SEMA4D: variants seen among roughly 807,000 people sequenced by gnomAD.
The protein encoded by SEMA4D is semaphorin-4D.
In SEMA4D, 22 loss-of-function variants were observed where a neutral mutation model predicts 74.8. The ratio of observed to expected loss-of-function variants is 0.29; its 90% CI spans 0.21 to 0.42. The LOEUF is 0.42. Ranked by LOEUF, SEMA4D falls within the 10% of genes least tolerant of loss-of-function variation. The pLI is 1.00. For synonymous variants in SEMA4D, 445 were observed against 463.7 expected, an observed-to-expected ratio of 0.96 and a Z score of 0.52; for missense variants, 937 against 1,118.4, an observed-to-expected ratio of 0.84 and a Z score of 2.31.
At chr9:89,471,299 C>T (rs1200527168) in intron 1 of SEMA4D, among the ~76,000 whole-genome samples, 2 of 152,068 alleles carry the variant, frequency 1.3e-5, no homozygotes, top group African/African-American at 4.8e-5. Flanking sequence ...GGCTGCCCAA[C>T]AATATGGATG....
chr9:89,420,947 T>C (rs982212634), intron 2 of SEMA4D, among the ~76,000 whole-genome samples: 1 of 152,242 alleles, frequency 6.6e-6, no homozygotes, highest in African/African-American at 2.4e-5. Flanking sequence ...TTAACTATCA[T>C]TCTTACCACT....
chr9:89,456,267 C>G (rs1334856609), intron 1 of SEMA4D, among the ~76,000 whole-genome samples: 2 of 152,236 alleles, frequency 1.3e-5, no homozygotes, highest in Non-Finnish European at 2.9e-5. Context: ...CAGAGAGCCT[C>G]TCCTTGGCTC....
chr9:89,429,304 C>G (rs1848749985), intron 2 of SEMA4D, among the ~76,000 whole-genome samples: 1 of 152,222 alleles, frequency 6.6e-6, no homozygotes, highest in South Asian at 2.1e-4. Context: ...CAGACGACAT[C>G]TAGGAGAGCA....
At chr9:89,435,275 A>C (rs2134832459) in intron 2 of SEMA4D, among the ~76,000 whole-genome samples, 1 of 152,358 alleles carries the variant, frequency 6.6e-6, no homozygotes, top group South Asian at 2.1e-4. Context: ...AAATAACCAG[A>C]AAACCAGTAC....
chr9:89,407,096 G>A (rs745676043), intron 2 of SEMA4D, among the ~76,000 whole-genome samples: 2 of 152,088 alleles, frequency 1.3e-5, no homozygotes, highest in South Asian at 2.1e-4. Flanking sequence ...TGCTTCCATG[G>A]TAGAGATCAC....
intron 1 of SEMA4D, among the ~76,000 whole-genome samples, chr9:89,486,344 G>C (rs536027572): frequency 6.6e-6 from 1 of 152,086 alleles, no homozygotes; most frequent in Non-Finnish European, 1.5e-5. Flanking sequence ...GACTACAAAG[G>C]GGCACAAGAC....
downstream of SEMA4D, among the ~76,000 whole-genome samples, chr9:89,375,875 G>T (rs1221036907): frequency 6.6e-6 from 1 of 152,188 alleles, no homozygotes; most frequent in South Asian, 2.1e-4. Flanking sequence ...TAATGATGAT[G>T]ATTTTTGAGA....
intron 16 of SEMA4D, among the ~76,000 whole-genome samples, chr9:89,366,875 A>G (rs994145894): frequency 6.6e-6 from 1 of 152,174 alleles, no homozygotes; most frequent in Non-Finnish European, 1.5e-5. Flanking sequence ...ACTGAGTCAC[A>G]GGAGCCTCTG....
chr9:89,393,559 C>G lies in SEMA4D; in HGVS notation c.508+3G>C. The G allele has an allele frequency of 1.9e-6, 3 of 1,612,950 alleles. No homozygotes were observed. Among genetic ancestry groups the G allele is most frequent in the Non-Finnish European group, 2.5e-6 (3 of 1,178,882 alleles). On this transcript the variant is annotated splice_donor_region_variant and intron_variant, in intron 7 of 15. Coordinates refer to ENST00000422704, the MANE Select transcript of SEMA4D (RefSeq NM_001371194.2). ...GTGAAGGAACTGGAGGGGCAGGACT[C>G]ACCAACCATGACGGATGTGTAGCTG...
intron 1 of SEMA4D, among the ~76,000 whole-genome samples, chr9:89,463,040 T>C (rs527371674): frequency 7.5e-6 from 1 of 132,462 alleles, no homozygotes; most frequent in Non-Finnish European, 1.6e-5. Flanking sequence ...AAAGGGTCTG[T>C]ACTCTGAACA....
chr9:89,449,928 A>T, intron 2 of SEMA4D: 1 of 1,464,606 alleles, frequency 6.8e-7, no homozygotes, highest in Non-Finnish European at 9.5e-7. Context: ...TGTAGCTCGT[A>T]CTTTTCTGAC....
intron 11 of SEMA4D, 74 bp downstream of exon 11, chr9:89,388,562 C>T: frequency 6.5e-7 from 1 of 1,526,848 alleles, no homozygotes; most frequent in Non-Finnish European, 8.7e-7. Context: ...TGAGCAGGCC[C>T]CAGTGCCTGT....
At chr9:89,467,701 T>A (rs1859120633) in intron 1 of SEMA4D, among the ~76,000 whole-genome samples, 1 of 151,858 alleles carries the variant, frequency 6.6e-6, no homozygotes, top group African/African-American at 2.4e-5. Flanking sequence ...CCAGCTAATT[T>A]TTGTATTTTT....
chr9:89,450,660 G>GAAA (rs71358578), intron 2 of SEMA4D: 17 of 430,418 alleles, frequency 3.9e-5, no homozygotes, highest in East Asian at 2.1e-4. Flanking sequence ...AAAAACCCAG[G>GAAA]AAAAAAAAAA....
rs1265993801 is a variant in SEMA4D at position 89,492,874 on chromosome 9, T to G, written c.-310+5045A>C. Among the ~76,000 whole-genome samples the G allele has an allele frequency of 6.6e-6, 1 of 152,114 alleles. No individual in the cohort carries two copies. On this transcript the variant is annotated intron_variant, in intron 1 of 15. Transcript: ENST00000422704. This position sits in a 1 kb window ranked among gnomAD's most constrained non-coding sequence, Gnocchi z 4.3. The stretch of plus-strand genomic sequence containing the variant: ...TCCCCTCACCACTCCTCACCTCCCC[T>G]ACATCTAGGGCTCAGCAAGGCACAG...
intron 2 of SEMA4D, among the ~76,000 whole-genome samples, chr9:89,449,268 G>A (rs1251919890): frequency 3.9e-5 from 6 of 152,212 alleles, no homozygotes; most frequent in African/African-American, 1.4e-4. Context: ...CACTCTCAAA[G>A]CCTGATACGG....
chr9:89,409,232 C>T (rs886177101), intron 2 of SEMA4D, among the ~76,000 whole-genome samples: 3 of 152,202 alleles, frequency 2.0e-5, no homozygotes, highest in Admixed American at 6.5e-5. Context: ...AAGGCAAAAC[C>T]ATGAAGACAG....
downstream of SEMA4D, chr9:89,376,843 G>A: frequency 1.3e-6 from 2 of 1,548,836 alleles, no homozygotes; most frequent in Non-Finnish European, 8.7e-7. Context: ...CTGTGGCCTG[G>A]CAGAAGAGGT....
Position 89,492,897 on chromosome 9 carries a change from C to T in SEMA4D, c.-310+5022G>A, listed in dbSNP as rs1448439520. Among the ~76,000 whole-genome samples, 1 of 152,194 alleles carries T rather than the reference C, an allele frequency of 6.6e-6. No homozygotes were observed. Among genetic ancestry groups the T allele is most frequent in the African/African-American group, 2.4e-5 (1 of 41,440 alleles). On this transcript the variant is annotated intron_variant, in intron 1 of 15. Transcript: ENST00000422704. The surrounding 1 kb of genome is among the most constrained non-coding windows in gnomAD (Gnocchi z 4.3). ...CCTACATCTAGGGCTCAGCAAGGCA[C>T]AGGGGCCACCTGATTTTAAATCACA... is the stretch of plus-strand genomic sequence containing the variant.
Sources: allele counts gnomAD v4.1 joint callset (sites outside exome capture counted in the v4.1 genomes callset), GRCh38; gene constraint gnomAD v4.1.1; non-coding constraint Gnocchi (gnomAD v3.1); transcripts MANE v1.5; gene names NCBI Gene and HGNC (gene_info 2026-07-23, HGNC 2026-07-21).